The following DCAF1 variants were observed in gnomAD, a reference collection of about 807,000 sequenced individuals.
DCAF1 encodes DDB1- and CUL4-associated factor 1.
In DCAF1, 15 loss-of-function variants were observed where a neutral mutation model predicts 128.0. That is an observed-to-expected ratio of 0.12 (90% CI 0.08 to 0.18). DCAF1 has a LOEUF of 0.18. Ranked by LOEUF, DCAF1 falls within the 10% of genes least tolerant of loss-of-function variation. The pLI is 1.00. For synonymous variants in DCAF1, 610 were observed against 603.0 expected (o/e 1.01, Z -0.17); for missense variants, 988 against 1,649.5 (o/e 0.60, Z 6.95).
At chr3:51,495,334 A>G (rs1393538450) in intron 2 of DCAF1, among the ~76,000 whole-genome samples, 1 of 148,906 alleles carries the variant, frequency 6.7e-6, no homozygotes, top group African/African-American at 2.5e-5. Context: ...CAAAAAAAAT[A>G]TTAAGAATAA....
intron 9 of DCAF1, among the ~76,000 whole-genome samples, chr3:51,438,975 TGAG>T (rs1259551506): frequency 2.0e-5 from 3 of 152,228 alleles, no homozygotes; most frequent in Non-Finnish European, 2.9e-5. Flanking sequence ...AGTTACCTAT[TGAG>T]GAGAACTGTA....
intron 2 of DCAF1, among the ~76,000 whole-genome samples, chr3:51,484,126 T>C (rs1706620224): frequency 6.6e-6 from 1 of 152,088 alleles, no homozygotes. Flanking sequence ...CTTAACCTTT[T>C]GAGGAGTCCC....
In DCAF1 at chr3:51,498,049, C is replaced by CAAAAAAA. The variant is rs56734063; in HGVS notation, c.-55-1276_-55-1270dup. 2.4e-4 allele frequency among the ~76,000 whole-genome samples: 5 copies of CAAAAAAA among 20,810 alleles called. 1 individual carries two copies. The highest frequency in any genetic ancestry group is 3.2e-4 in the African/African-American group (2 of 6,198). 13.7% of individuals were successfully genotyped at this position (20,810 alleles called of 152,430 possible). ...TGGGCAACACAGTGAGACTCTGTCT[C>CAAAAAAA]AAAAAAAAAAAAAAAAAAAAAAAAA... On this transcript the variant is annotated intron_variant, in intron 1 of 24. Coordinates refer to ENST00000684031, the MANE Select transcript of DCAF1 (RefSeq NM_001387579.1).
chr3:51,400,918 G>A (rs920524172), intron 24 of DCAF1, among the ~76,000 whole-genome samples: 3 of 152,018 alleles, frequency 2.0e-5, no homozygotes, highest in Non-Finnish European at 4.4e-5. Flanking sequence ...GGATCACGAC[G>A]TCAGGAGATC....
upstream of DCAF1, among the ~76,000 whole-genome samples, chr3:51,500,948 C>A (rs1324071894): frequency 6.6e-6 from 1 of 151,758 alleles, no homozygotes; most frequent in Admixed American, 6.6e-5. Flanking sequence ...CCCAAGTAGC[C>A]GGGGCTACAG....
intron 2 of DCAF1, among the ~76,000 whole-genome samples, chr3:51,493,451 A>G (rs116782868): frequency 0.037 from 5,570 of 149,462 alleles, 115 homozygotes; most frequent in Middle Eastern, 0.1. Flanking sequence ...ATCTCAGGGG[A>G]AAAAAAAAAG....
chr3:51,438,692 ACTTCCAC>A (rs1161178395), intron 9 of DCAF1, among the ~76,000 whole-genome samples: 32 of 152,214 alleles, frequency 2.1e-4, no homozygotes. Flanking sequence ...GCTCACTGCA[ACTTCCAC>A]CTCCTGGGTT....
chr3:51,441,270 C>A, intron 8 of DCAF1, 115 bp downstream of exon 8: 1 of 1,363,546 alleles, frequency 7.3e-7, no homozygotes, highest in Non-Finnish European at 9.8e-7. Context: ...TTCATGCAAA[C>A]CCTTGTTTGT....
chr3:51,442,847 G>A (rs781896836), intron 7 of DCAF1, among the ~76,000 whole-genome samples: 2 of 152,058 alleles, frequency 1.3e-5, no homozygotes, highest in Non-Finnish European at 2.9e-5. Flanking sequence ...ACTAAACACC[G>A]CATGCTCTCA....
At chr3:51,444,481 C>A (rs1044090491) in intron 6 of DCAF1, among the ~76,000 whole-genome samples, 13 of 151,896 alleles carry the variant, frequency 8.6e-5, no homozygotes, top group African/African-American at 3.1e-4. Context: ...CTCCTGAATA[C>A]CTTGGACTAC....
At chr3:51,422,184 G>GC (rs1253492938) in intron 14 of DCAF1, 123 bp downstream of exon 14, 33 of 632,246 alleles carry the variant, frequency 5.2e-5, no homozygotes, top group Middle Eastern at 2.5e-4. Context: ...CAGACAAGGA[G>GC]CCCCCCTCTA....
At position 51,420,349 on chromosome 3, in the gene DCAF1, G is replaced by C. The variant is rs1699286941; in HGVS notation, c.2621C>G (p.Ala874Gly). Residue 874 changes from alanine (A) to glycine (G), a missense_variant, in exon 15 of 25, where the codon GCT becomes GGT. Transcript: ENST00000684031. This position sits in a 1 kb window ranked among gnomAD's most constrained non-coding sequence, Gnocchi z 6.5. ...GGAGGCAGCAGTCATGGGCAGGTCA[G>C]CCTCTTTTGTCAGCACGGTTGCTGT... The part of the protein sequence containing the change: ...GETATVLTKE[A>G]DLPMTAASHS... 6.2e-7 allele frequency: 1 copy of C among 1,613,926 alleles called. No individual in the cohort carries two copies. The highest frequency in any genetic ancestry group is 1.3e-5 in the African/African-American group (1 of 74,940).
intron 9 of DCAF1, among the ~76,000 whole-genome samples, chr3:51,435,676 A>G (rs1311299012): frequency 6.7e-6 from 1 of 149,628 alleles, no homozygotes; most frequent in Non-Finnish European, 1.5e-5. Flanking sequence ...ATGCCACTGC[A>G]CTCCAGCCTG....
chr3:51,488,086 A>C (rs1394142519), intron 2 of DCAF1, among the ~76,000 whole-genome samples: 17 of 151,784 alleles, frequency 1.1e-4, no homozygotes, highest in African/African-American at 3.4e-4. Flanking sequence ...GCTGGTCTTG[A>C]ACTCCTGACC....
intron 4 of DCAF1, among the ~76,000 whole-genome samples, chr3:51,469,189 C>T (rs998528204): frequency 6.6e-6 from 1 of 150,656 alleles, no homozygotes; most frequent in Non-Finnish European, 1.5e-5. Flanking sequence ...TTTTATAACT[C>T]GCACTCATTC....
chr3:51,403,152 G>A lies in DCAF1; in HGVS notation c.4456C>T (p.Leu1486=). Residue 1486 remains leucine, a synonymous_variant, in exon 24 of 25, where the codon CTG becomes TTG. Coordinates refer to ENST00000684031, the MANE Select transcript of DCAF1 (RefSeq NM_001387579.1). ...SDADEEVELI[L]GDTDSSDNSD... is the part of the protein sequence containing the mutation. ...TCTGCCCTATACTTACTGTCCCCCAGGATCAGTTCCACCTCCTCATCTGCA... is the reference window on the plus strand; with the variant it reads ...TCTGCCCTATACTTACTGTCCCCCAAGATCAGTTCCACCTCCTCATCTGCA... 6.2e-7 allele frequency: 1 copy of A among 1,612,038 alleles called. No homozygotes were observed. The highest frequency in any genetic ancestry group is 8.5e-7 in the Non-Finnish European group (1 of 1,178,740).
chr3:51,421,058 G>A (rs1699345289), intron 14 of DCAF1, 61 bp from the exon 15 acceptor site: 1 of 1,520,934 alleles, frequency 6.6e-7, no homozygotes, highest in Non-Finnish European at 8.8e-7. Flanking sequence ...TTCAATAGTT[G>A]TTCCAGAGTC....
In DCAF1 at chr3:51,441,002, T is replaced by C. The variant is rs782108740; in HGVS notation, c.1096A>G (p.Asn366Asp). 6.8e-6 allele frequency: 11 copies of C among 1,613,186 alleles called. No homozygotes were observed. The East Asian group carries it at 2.0e-4, about 29-fold the overall frequency. The change falls in exon 9 of 25, where the codon AAT (asparagine) becomes GAT (aspartate). Residue 366 changes from asparagine (N) to aspartate (D), a missense_variant. Physicochemically the swap from Asn to Asp is conservative, Grantham distance 23 (BLOSUM62 1). Coordinates refer to ENST00000684031, the MANE Select transcript of DCAF1 (RefSeq NM_001387579.1). ...MMFYIDLKQTNDVLLTFEALK... is the reference protein window; with the variant it reads ...MMFYIDLKQTDDVLLTFEALK... ...GCCTCAAATGTAAGCAGGACATCATTAGTTTGCTTCAGGTCAATATAGAAC... is the reference window on the plus strand; with the variant it reads ...GCCTCAAATGTAAGCAGGACATCATCAGTTTGCTTCAGGTCAATATAGAAC...
intron 13 of DCAF1, among the ~76,000 whole-genome samples, chr3:51,423,082 A>C (rs1699561115): frequency 6.6e-6 from 1 of 152,100 alleles, no homozygotes; most frequent in Non-Finnish European, 1.5e-5. Flanking sequence ...AACAAAAAAA[A>C]AGAAAAATGA....
Sources: gnomAD v4.1 joint callset for allele counts (sites outside exome capture counted in the v4.1 genomes callset) on GRCh38, gnomAD v4.1.1 for gene constraint, Gnocchi (gnomAD v3.1) non-coding constraint, MANE v1.5 for transcripts, NCBI Gene and HGNC (gene_info 2026-07-23, HGNC 2026-07-21) for gene names.